AGR3: variants seen among roughly 807,000 people sequenced by gnomAD.
The protein encoded by AGR3 is anterior gradient 3, protein disulphide isomerase family member.
A neutral mutation model predicts 24.5 loss-of-function variants in AGR3; 37 were observed. The ratio of observed to expected loss-of-function variants is 1.51; its 90% confidence interval spans 1.16 to 1.99. The LOEUF (loss-of-function observed/expected upper bound fraction) is 1.99. Among genes scored for constraint, AGR3 ranks in the 30% most tolerant of loss-of-function variants. The pLI is 0.00. For synonymous variants in AGR3, 75 were observed against 61.6 expected (o/e 1.22, Z -1.02); for missense variants, 228 against 191.1 (o/e 1.19, Z -1.14).
Position 16,862,019 on chromosome 7 carries a change from T to C in AGR3, c.268A>G (p.Met90Val). Reference sequence around the variant, plus strand: ...AGCATGATGAACTTATTCTGAGCCATTTCTTGTATTTCTTCATTTTGGGCA... The same window carrying C: ...AGCATGATGAACTTATTCTGAGCCACTTCTTGTATTTCTTCATTTTGGGCA... ...VFAQNEEIQE[M>V]AQNKFIMLNL... The change falls in exon 5 of 8, where the codon ATG (methionine) becomes GTG (valine). Residue 90 changes from methionine to valine, a missense_variant. Coordinates refer to ENST00000310398, the MANE Select transcript of AGR3 (RefSeq NM_176813.5). The C allele has an allele frequency of 6.2e-7, 1 of 1,613,608 alleles. No individual in the cohort carries two copies. Among genetic ancestry groups the C allele is most frequent in the Non-Finnish European group, 8.5e-7 (1 of 1,179,680 alleles).
chr7:16,859,233 A>T (rs1407425557), downstream of AGR3, among the ~76,000 whole-genome samples: 2 of 145,776 alleles, frequency 1.4e-5, no homozygotes, highest in Non-Finnish European at 2.9e-5. Flanking sequence ...CTGCATCTCA[A>T]AAAAAAAAAT....
At chr7:16,879,335 A>T (rs1782058124) in intron 1 of AGR3, among the ~76,000 whole-genome samples, 1 of 152,230 alleles carries the variant, frequency 6.6e-6, no homozygotes, top group Admixed American at 6.5e-5. Flanking sequence ...TCTCCTGGTT[A>T]GCTAGAATTC....
chr7:16,872,114 T>C (rs1781877353), intron 3 of AGR3, among the ~76,000 whole-genome samples: 1 of 152,110 alleles, frequency 6.6e-6, no homozygotes, highest in African/African-American at 2.4e-5. Flanking sequence ...ATCTTCAAAT[T>C]TGTATAGAAC....
chr7:16,875,045 G>T (rs543189069), intron 2 of AGR3, among the ~76,000 whole-genome samples: 15 of 151,778 alleles, frequency 9.9e-5, no homozygotes, highest in African/African-American at 3.4e-4. Context: ...GAACCTGGGG[G>T]TGGATGTTGC....
rs371856242 is a variant in AGR3, at chr7:16,860,554, C to T, written c.397G>A (p.Ala133Thr). 2 of 1,613,742 alleles carry T rather than the reference C, an allele frequency of 1.2e-6. No individual in the cohort carries two copies. Among genetic ancestry groups the T allele is most frequent in the African/African-American group, 2.7e-5 (2 of 75,036 alleles). The change falls in exon 7 of 8, where the codon GCT becomes ACT. Residue 133 changes from alanine (A) to threonine (T), a missense_variant. Coordinates refer to ENST00000310398, the MANE Select transcript of AGR3 (RefSeq NM_176813.5). ...TACAATCTGTTAGAGTATCTTCCAG[C>T]TATGTCAGCTCTAACTGTTAAAGAA... Reference protein sequence around the residue: ...DPSLTVRADIAGRYSNRLYTY... With the variant: ...DPSLTVRADITGRYSNRLYTY...
At chr7:16,877,400 A>G (rs1421412963) in intron 2 of AGR3, among the ~76,000 whole-genome samples, 1 of 150,358 alleles carries the variant, frequency 6.7e-6, no homozygotes, top group Admixed American at 6.6e-5. Context: ...GTTATTCAAA[A>G]CTAGCAGTAT....
intron 7 of AGR3, among the ~76,000 whole-genome samples, chr7:16,860,068 C>A (rs1781610854): frequency 6.8e-6 from 1 of 146,994 alleles, no homozygotes; most frequent in Admixed American, 6.9e-5. Flanking sequence ...CCAGCCTGGG[C>A]AACATACCAA....
At chr7:16,860,170 G>T (rs1193973699) in intron 7 of AGR3, among the ~76,000 whole-genome samples, 1 of 152,100 alleles carries the variant, frequency 6.6e-6, no homozygotes, top group Non-Finnish European at 1.5e-5. Context: ...AAGATGAAAT[G>T]ATTTTACTAT....
chr7:16,863,330 T>A (rs1227750738), intron 3 of AGR3, among the ~76,000 whole-genome samples: 1 of 152,170 alleles, frequency 6.6e-6, no homozygotes, highest in African/African-American at 2.4e-5. Context: ...TTTTAAAAAG[T>A]TTTTACAAAA....
intron 6 of AGR3, among the ~76,000 whole-genome samples, chr7:16,861,025 AAAACAAATGTCAAACCAATTTATAAG>A (rs1781631780): frequency 6.6e-6 from 1 of 151,350 alleles, no homozygotes; most frequent in Non-Finnish European, 1.5e-5. Context: ...TTTATAATCT[AAAACAAATGTCAAACCAATTTATAAG>A]CAAAATTAGT....
Position 16,860,416 on chromosome 7 carries a change from C to T in AGR3, c.451+84G>A, listed in dbSNP as rs780404913. 2.1e-5 allele frequency: 21 copies of T among 1,003,988 alleles called. 1 individual carries two copies. The highest frequency in any genetic ancestry group is 3.2e-5 in the Non-Finnish European group (20 of 629,760). 62.2% of individuals were successfully genotyped at this position (1,003,988 alleles called of 1,614,324 possible). Reference sequence around the variant, plus strand: ...AGCCTCAGTGACTGGTGTGTAGAAGCACTGATGTAGGGCTTCACTAGCCCT... The same window carrying T: ...AGCCTCAGTGACTGGTGTGTAGAAGTACTGATGTAGGGCTTCACTAGCCCT... On this transcript the variant is annotated intron_variant, in intron 7 of 7. Coordinates refer to ENST00000310398, the MANE Select transcript of AGR3 (RefSeq NM_176813.5).
downstream of AGR3, among the ~76,000 whole-genome samples, chr7:16,856,744 A>G (rs889271116): frequency 6.6e-6 from 1 of 152,046 alleles, no homozygotes; most frequent in African/African-American, 2.4e-5. Context: ...GTGTTAGGGA[A>G]GGAATAATTT....
downstream of AGR3, among the ~76,000 whole-genome samples, chr7:16,858,013 G>T (rs376919548): frequency 6.7e-6 from 1 of 149,122 alleles, no homozygotes; most frequent in African/African-American, 2.5e-5. Flanking sequence ...TTGAGATGGA[G>T]TTTCACTCTT....
intron 1 of AGR3, among the ~76,000 whole-genome samples, chr7:16,879,287 A>G (rs540425174): frequency 9.1e-4 from 138 of 152,328 alleles, no homozygotes; most frequent in Non-Finnish European, 1.6e-3. Flanking sequence ...TAAATTAGAC[A>G]TATGTATAGA....
At chr7:16,879,384 G>A (rs567408850) in intron 1 of AGR3, among the ~76,000 whole-genome samples, 1 of 152,264 alleles carries the variant, frequency 6.6e-6, no homozygotes, top group South Asian at 2.1e-4. Flanking sequence ...TTTATACTTT[G>A]CACGTTAAGA....
At chr7:16,878,906 C>T (rs914105012) in intron 1 of AGR3, among the ~76,000 whole-genome samples, 6 of 152,212 alleles carry the variant, frequency 3.9e-5, no homozygotes, top group African/African-American at 1.4e-4. Context: ...AGAGCTGGAT[C>T]AGGGCACACG....
intron 3 of AGR3, among the ~76,000 whole-genome samples, chr7:16,869,066 C>G (rs556568296): frequency 3.9e-5 from 6 of 152,242 alleles, no homozygotes; most frequent in African/African-American, 1.4e-4. Flanking sequence ...TCCATTTGGT[C>G]TAAAGTGTAG....
At chr7:16,856,085 C>G (rs1435725335), downstream of AGR3, among the ~76,000 whole-genome samples, 2 of 152,278 alleles carry the variant, frequency 1.3e-5, no homozygotes, top group East Asian at 1.9e-4. Flanking sequence ...CTACTGATTT[C>G]ACATTATTTT....
chr7:16,867,339 A>G (rs948331922), intron 3 of AGR3, among the ~76,000 whole-genome samples: 2 of 152,110 alleles, frequency 1.3e-5, no homozygotes, highest in African/African-American at 4.8e-5. Flanking sequence ...TGTAGTATCT[A>G]TCTATCTATG....
Sources: allele counts gnomAD v4.1 joint callset (sites outside exome capture counted in the v4.1 genomes callset), GRCh38; gene constraint gnomAD v4.1.1; transcripts MANE v1.5; gene names NCBI Gene and HGNC (gene_info 2026-07-23, HGNC 2026-07-21).